Variants in NRSN1 observed in about 807,000 individuals in gnomAD.
The protein encoded by NRSN1 is neurensin-1.
In NRSN1, 14 loss-of-function variants were observed where a neutral mutation model predicts 17.3. That is an observed-to-expected ratio of 0.81 (90% CI 0.54 to 1.27). The LOEUF is 1.27. NRSN1 is among the 50% of genes most tolerant of loss of function. NRSN1 has a pLI of 0.00. For synonymous variants in NRSN1, 79 were observed against 94.2 expected, an observed-to-expected ratio of 0.84 and a Z score of 0.93; for missense variants, 209 against 235.9, an observed-to-expected ratio of 0.89 and a Z score of 0.75.
At position 24,128,168 on chromosome 6, in the gene NRSN1, A is replaced by G. The variant is rs575047025; in HGVS notation, c.-42A>G. On this transcript the variant is annotated 5_prime_UTR_variant, in exon 2 of 4. Transcript: ENST00000378491. ...CATTAAAAGGAAAGATCAAGGAGTA[A>G]ACCAGAAGAAGAAGAAAAAGAGGAC... 2 of 152,212 alleles carry G rather than the reference A, an allele frequency of 1.3e-5. No individual in the cohort carries two copies. The highest frequency in any genetic ancestry group is 1.3e-4 in the Admixed American group (2 of 15,290). 9.4% of individuals were successfully genotyped at this position (152,212 alleles called of 1,614,324 possible).
At chr6:24,133,644 G>A (rs1455879206) in intron 2 of NRSN1, among the ~76,000 whole-genome samples, 2 of 152,106 alleles carry the variant, frequency 1.3e-5, no homozygotes, top group African/African-American at 4.8e-5. Flanking sequence ...TCTTGTCAAG[G>A]CAATAAAAAA....
intron 2 of NRSN1, among the ~76,000 whole-genome samples, chr6:24,134,041 T>TGTGTGTGTGTGTGTGTGTGTGTG (rs1491411832): frequency 1.3e-5 from 2 of 150,980 alleles, no homozygotes; most frequent in African/African-American, 4.9e-5. Context: ...TGTGTGTGTG[T>TGTGTGTGTGTGTGTGTGTGTGTG]TTTTAGTAGA....
In NRSN1 at chr6:24,146,209, T is replaced by G; in HGVS notation, c.*263T>G. The G allele has an allele frequency of 1.5e-6, 1 of 679,666 alleles. No homozygotes were observed. Among genetic ancestry groups the G allele is most frequent in the South Asian group, 1.5e-5 (1 of 66,484 alleles). The allele number at this position is 679,666 out of a possible 1,614,324, so 42.1% of individuals were successfully genotyped here. On this transcript the variant is annotated 3_prime_UTR_variant, in exon 4 of 4. Transcript: ENST00000378491. ...GCCACCAGAAAACCCCTGGAACTCC[T>G]CTTTCATAGATCGTGACTTTGTGTT...
At chr6:24,138,823 G>C (rs1328638948) in intron 3 of NRSN1, among the ~76,000 whole-genome samples, 1 of 152,206 alleles carries the variant, frequency 6.6e-6, no homozygotes, top group Admixed American at 6.5e-5. Flanking sequence ...CTAGAGATGA[G>C]AGGAGCTGTG....
At chr6:24,134,208 G>GCATT in intron 2 of NRSN1, 111 bp from the exon 3 acceptor site, 2 of 845,070 alleles carry the variant, frequency 2.4e-6, no homozygotes, top group South Asian at 3.6e-5. Flanking sequence ...AATGAAAAGA[G>GCATT]CATTGTTCAA....
intron 3 of NRSN1, among the ~76,000 whole-genome samples, chr6:24,143,495 C>T (rs760988264): frequency 6.6e-6 from 1 of 152,100 alleles, no homozygotes; most frequent in Non-Finnish European, 1.5e-5. Context: ...GATACGTTTT[C>T]CTTCTATTAG....
intron 3 of NRSN1, among the ~76,000 whole-genome samples, chr6:24,138,727 C>T (rs1351582111): frequency 6.6e-6 from 1 of 152,164 alleles, no homozygotes; most frequent in Non-Finnish European, 1.5e-5. Context: ...TCTCCAGTTC[C>T]CCCTCTTGAG....
intron 3 of NRSN1, among the ~76,000 whole-genome samples, chr6:24,143,702 A>G (rs370116757): frequency 3.9e-5 from 6 of 152,232 alleles, no homozygotes; most frequent in South Asian, 2.1e-4. Context: ...TAATACTGTT[A>G]CCAATGTAGC....
intron 3 of NRSN1, among the ~76,000 whole-genome samples, chr6:24,136,286 GA>G (rs1409536595): frequency 2.0e-5 from 3 of 152,168 alleles, no homozygotes; most frequent in African/African-American, 2.4e-5. Context: ...TCTTAAATGG[GA>G]AAAAAAGTTG....
chr6:24,126,491 T>C (rs1759950640), intron 1 of NRSN1, among the ~76,000 whole-genome samples, 151 bp downstream of exon 1: 1 of 152,094 alleles, frequency 6.6e-6, no homozygotes, highest in Admixed American at 6.5e-5. Flanking sequence ...TTCATTCACG[T>C]TTATTATATG....
chr6:24,144,163 C>T (rs1456604365), intron 3 of NRSN1, among the ~76,000 whole-genome samples: 1 of 152,228 alleles, frequency 6.6e-6, no homozygotes, highest in South Asian at 2.1e-4. Flanking sequence ...AGAAAGAACA[C>T]TGGCCTGGGG....
In NRSN1 at chr6:24,127,591, A is replaced by G. The variant is rs181927091; in HGVS notation, c.-82-537A>G. ...AGCTGGAAAGCAAAATGATCATGAT[A>G]GGAAGAAAACGGATATAGGAGTAAA... On this transcript the variant is annotated intron_variant, in intron 1 of 3. Transcript: ENST00000378491. Among the ~76,000 whole-genome samples, 5 of 152,374 alleles carry G rather than the reference A, an allele frequency of 3.3e-5. No homozygotes were observed. In the East Asian group the frequency reaches 9.6e-4, roughly 29 times the overall value.
chr6:24,134,593 G>A (rs1327528342), intron 3 of NRSN1, 77 bp downstream of exon 3: 3 of 1,228,560 alleles, frequency 2.4e-6, no homozygotes, highest in East Asian at 2.4e-5. Flanking sequence ...TGTGGAGGAT[G>A]GAGAGGTTTA....
intron 3 of NRSN1, chr6:24,141,193 AT>A: frequency 7.9e-7 from 1 of 1,266,566 alleles, no homozygotes; most frequent in Non-Finnish European, 1.0e-6. Context: ...CTGCATTGCA[AT>A]TTTTTGACTC....
chr6:24,146,522 T>C lies in NRSN1; in HGVS notation c.*576T>C, dbSNP rs573110332. 12 of 342,208 alleles carry C rather than the reference T, an allele frequency of 3.5e-5. No homozygotes were observed. The highest frequency in any genetic ancestry group is 8.0e-5 in the East Asian group (1 of 12,540). The allele number at this position is 342,208 out of a possible 1,614,324, so 21.2% of individuals were successfully genotyped here. The stretch of plus-strand genomic sequence containing the variant: ...ATCTTTTTGTTTTCTCCATTTTTTT[T>C]CCCTTTGAGATGAAGTGCTGTTCTT... On this transcript the variant is annotated 3_prime_UTR_variant, in exon 4 of 4. Transcript: ENST00000378491.
chr6:24,127,637 C>G (rs185165399), intron 1 of NRSN1, among the ~76,000 whole-genome samples: 16 of 152,274 alleles, frequency 1.1e-4, no homozygotes, highest in Admixed American at 1.0e-3. Context: ...ATAAGTAAAT[C>G]ATCCAAAGAG....
chr6:24,132,755 C>T (rs1412382684), intron 2 of NRSN1, among the ~76,000 whole-genome samples: 1 of 152,088 alleles, frequency 6.6e-6, no homozygotes, highest in East Asian at 1.9e-4. Context: ...TATACATGTG[C>T]CATGGTGATG....
chr6:24,129,979 G>T (rs1760003649), intron 2 of NRSN1, among the ~76,000 whole-genome samples: 1 of 152,240 alleles, frequency 6.6e-6, no homozygotes, highest in East Asian at 1.9e-4. Flanking sequence ...GACTAATGTG[G>T]ATTGAATTAA....
At chr6:24,134,041 T>TGTGTGTGTGTGTG (rs1491411832) in intron 2 of NRSN1, among the ~76,000 whole-genome samples, 39 of 150,930 alleles carry the variant, frequency 2.6e-4, no homozygotes, top group Non-Finnish European at 3.4e-4. Context: ...TGTGTGTGTG[T>TGTGTGTGTGTGTG]TTTTAGTAGA....
Sources: gnomAD v4.1 joint callset for allele counts (sites outside exome capture counted in the v4.1 genomes callset) on GRCh38, gnomAD v4.1.1 for gene constraint, MANE v1.5 for transcripts, NCBI Gene and HGNC (gene_info 2026-07-23, HGNC 2026-07-21) for gene names.